ADAM17: variants seen among roughly 807,000 people sequenced by gnomAD.
ADAM17 encodes ADAM metallopeptidase domain 17, also known as disintegrin and metalloproteinase domain-containing protein 17.
Under a neutral mutation model 96.7 loss-of-function variants are expected in ADAM17, and 39 were observed. The ratio of observed to expected loss-of-function variants is 0.40; its 90% CI spans 0.31 to 0.53. The LOEUF is 0.53. Ranked by LOEUF, ADAM17 falls within the 20% of genes least tolerant of loss-of-function variation. The pLI, the probability that ADAM17 is intolerant of heterozygous loss-of-function variation, is 0.44. For missense variants in ADAM17, 777 were observed against 1,013.2 expected (o/e 0.77, Z 3.17); for synonymous variants, 344 against 359.2 (o/e 0.96, Z 0.48).
intron 8 of ADAM17, 65 bp downstream of exon 8, chr2:9,521,138 A>G: frequency 7.6e-7 from 1 of 1,312,328 alleles, no homozygotes; most frequent in Non-Finnish European, 1.1e-6. Context: ...ATTAAAACAC[A>G]TACAATCCAC....
intron 2 of ADAM17, among the ~76,000 whole-genome samples, chr2:9,538,492 C>T (rs1440070432): frequency 6.6e-6 from 1 of 152,198 alleles, no homozygotes; most frequent in Non-Finnish European, 1.5e-5. Context: ...TAAAACATAT[C>T]TTCCCACACA....
intron 10 of ADAM17, 119 bp downstream of exon 10, chr2:9,517,782 G>T: frequency 1.5e-5 from 9 of 602,146 alleles, no homozygotes; most frequent in South Asian, 1.2e-4. Context: ...TTTTATTTAG[G>T]CAGAAATTTA....
chr2:9,490,130 C>G lies in ADAM17; in HGVS notation c.*47G>C. On this transcript the variant is annotated 3_prime_UTR_variant, in exon 19 of 19. Coordinates refer to ENST00000310823, the MANE Select transcript of ADAM17 (RefSeq NM_003183.6). ...GCTGTGATTGATTTGTAGGTCAAAT[C>G]TATAAAAATATTTTGCACACTTAAG... 6.7e-7 allele frequency: 1 copy of G among 1,497,556 alleles called. No individual in the cohort carries two copies. The highest frequency in any genetic ancestry group is 1.3e-5 in the South Asian group (1 of 79,006). 92.8% of individuals were successfully genotyped at this position (1,497,556 alleles called of 1,614,324 possible). A position where few individuals can be genotyped will look rare whatever the true frequency, so the allele number is the denominator to read the frequency against.
At chr2:9,545,555 G>A (rs1665372740) in intron 1 of ADAM17, among the ~76,000 whole-genome samples, 1 of 151,740 alleles carries the variant, frequency 6.6e-6, no homozygotes, top group Non-Finnish European at 1.5e-5. Flanking sequence ...GGGCAACAAG[G>A]CAAGACTCCA....
chr2:9,547,284 A>C (rs1665431884), intron 1 of ADAM17, among the ~76,000 whole-genome samples: 3 of 152,194 alleles, frequency 2.0e-5, no homozygotes, highest in Non-Finnish European at 4.4e-5. Flanking sequence ...TTTATTGAGA[A>C]CCTCCTACCT....
rs1045613080 is a variant in ADAM17, at chr2:9,489,739, A to C, written c.*438T>G. The C allele has an allele frequency of 5.9e-5, 9 of 152,390 alleles. 1 individual carries two copies. Among genetic ancestry groups the C allele is most frequent in the Admixed American group, 2.6e-4 (4 of 15,272 alleles). The allele number at this position is 152,390 out of a possible 1,614,324, so 9.4% of individuals were successfully genotyped here. On this transcript the variant is annotated 3_prime_UTR_variant, in exon 19 of 19. Coordinates refer to ENST00000310823, the MANE Select transcript of ADAM17 (RefSeq NM_003183.6). ...TTAGTTGAAGGCAAAAAAAAAAAAA[A>C]AAAAAAAAAACTATTCCAGTTGTCA... is the stretch of plus-strand genomic sequence containing the variant.
chr2:9,497,623 G>A lies in ADAM17; in HGVS notation c.1649-375C>T, dbSNP rs368090161. On this transcript the variant is annotated intron_variant, in intron 13 of 18. Transcript: ENST00000310823. ...TTCCCTATCTGGCCCTGACTTCATCGCACACAACTCTCCCACAGCCCACTG... is the reference window on the plus strand; with the variant it reads ...TTCCCTATCTGGCCCTGACTTCATCACACACAACTCTCCCACAGCCCACTG... 5.9e-5 allele frequency among the ~76,000 whole-genome samples: 9 copies of A among 152,244 alleles called. No individual in the cohort carries two copies. In the East Asian group the frequency reaches 7.7e-4, roughly 13 times the overall value.
chr2:9,505,912 T>C (rs1378710152), intron 11 of ADAM17, among the ~76,000 whole-genome samples: 1 of 152,194 alleles, frequency 6.6e-6, no homozygotes, highest in Non-Finnish European at 1.5e-5. Context: ...GTACATTTTA[T>C]ATAAATTAAA....
chr2:9,506,477 C>CT (rs1663403009), intron 11 of ADAM17, among the ~76,000 whole-genome samples: 1 of 143,536 alleles, frequency 7.0e-6, no homozygotes, highest in Non-Finnish European at 1.5e-5. Flanking sequence ...AGTGATTCTT[C>CT]TGCCTCAGCC....
chr2:9,498,411 G>A (rs1048552164), intron 13 of ADAM17, among the ~76,000 whole-genome samples: 1 of 152,144 alleles, frequency 6.6e-6, no homozygotes, highest in Non-Finnish European at 1.5e-5. Context: ...TCTGGAAAAT[G>A]AATAGCACAA....
At chr2:9,509,103 T>C (rs370696163) in intron 11 of ADAM17, among the ~76,000 whole-genome samples, 6 of 152,264 alleles carry the variant, frequency 3.9e-5, no homozygotes, top group African/African-American at 1.4e-4. Flanking sequence ...GCCCTCTGTG[T>C]CCAGGGAAGG....
intron 2 of ADAM17, among the ~76,000 whole-genome samples, chr2:9,542,084 G>GT (rs1558524872): frequency 6.6e-6 from 1 of 152,162 alleles, no homozygotes; most frequent in African/African-American, 2.4e-5. Context: ...CCATGTGTCT[G>GT]TTTTTTGATA....
chr2:9,534,896 G>A (rs556499867), intron 4 of ADAM17, among the ~76,000 whole-genome samples: 2 of 152,334 alleles, frequency 1.3e-5, no homozygotes, highest in Admixed American at 6.5e-5. Context: ...GCCTATTCTA[G>A]AATGAATGCA....
chr2:9,524,651 G>A (rs1166595865), intron 6 of ADAM17, among the ~76,000 whole-genome samples: 2 of 152,100 alleles, frequency 1.3e-5, no homozygotes, highest in African/African-American at 4.8e-5. Context: ...ACAAGTAAGG[G>A]GCCGTGGCAG....
Position 9,555,501 on chromosome 2 carries a change from G to T in ADAM17, c.97+8C>A. On this transcript the variant is annotated splice_region_variant and intron_variant, in intron 1 of 18. Transcript: ENST00000310823. ...CGCCGGCCTAAGCCAACTCCCCTGG[G>T]TCTTTACCGAGTCTCTGGTGGGGGC... 6.3e-7 allele frequency: 1 copy of T among 1,586,540 alleles called. No individual in the cohort carries two copies. The highest frequency in any genetic ancestry group is 8.6e-7 in the Non-Finnish European group (1 of 1,166,382).
At chr2:9,529,164 C>T (rs895699323) in intron 4 of ADAM17, among the ~76,000 whole-genome samples, 2 of 152,200 alleles carry the variant, frequency 1.3e-5, no homozygotes, top group African/African-American at 4.8e-5. Flanking sequence ...AGAAGCCACA[C>T]ACAGGCTGGG....
chr2:9,499,782 T>C (rs967509405), intron 13 of ADAM17, among the ~76,000 whole-genome samples: 2 of 152,218 alleles, frequency 1.3e-5, no homozygotes, highest in Admixed American at 6.5e-5. Context: ...TGTCATACTA[T>C]GCACACGGAA....
At chr2:9,551,141 G>C (rs62119381) in intron 1 of ADAM17, among the ~76,000 whole-genome samples, 27,672 of 150,824 alleles carry the variant, frequency 0.18, 2,671 homozygotes, top group Middle Eastern at 0.29. Flanking sequence ...AGCTGAATAT[G>C]AACTCCAGAG....
At chr2:9,540,168 C>T (rs922193732) in intron 2 of ADAM17, among the ~76,000 whole-genome samples, 8 of 152,146 alleles carry the variant, frequency 5.3e-5, no homozygotes, top group Admixed American at 6.5e-5. Context: ...TCCAAAGAAA[C>T]CCAAAAAGCT....
Sources: gnomAD v4.1 joint callset for allele counts (sites outside exome capture counted in the v4.1 genomes callset) on GRCh38, gnomAD v4.1.1 for gene constraint, MANE v1.5 for transcripts, NCBI Gene and HGNC (gene_info 2026-07-23, HGNC 2026-07-21) for gene names.